The following N4BP2L1 variants were observed in gnomAD, a reference collection of about 807,000 sequenced individuals.
The protein encoded by N4BP2L1 is NEDD4-binding protein 2-like 1.
A neutral mutation model predicts 21.2 loss-of-function variants in N4BP2L1; 12 were observed. The ratio of observed to expected loss-of-function variants is 0.57; its 90% CI spans 0.36 to 0.92. The LOEUF is 0.92. N4BP2L1 is among the 40% of genes least tolerant of loss of function. The pLI, the probability that N4BP2L1 is intolerant of heterozygous loss-of-function variation, is 0.01. For synonymous variants in N4BP2L1, 104 were observed against 112.8 expected (o/e 0.92, Z 0.49); for missense variants, 259 against 310.6 (o/e 0.83, Z 1.25).
chr13:32,428,017 C>A lies in N4BP2L1; in HGVS notation c.66G>T (p.Arg22=). ...GCGGGGGCGGCCGGGGCGGCCGCTG[C>A]CGCTGCTGCTGCTGCTGGGGCTGGA... is the stretch of plus-strand genomic sequence containing the variant. ...LSLQPQQQQQ[R]QRPPRPPPRG... The change falls in exon 1 of 5, where the codon CGG becomes CGT. Residue 22 remains arginine, a synonymous_variant. Transcript: ENST00000380130. 6.4e-7 allele frequency: 1 copy of A among 1,560,554 alleles called. No individual in the cohort carries two copies. The highest frequency in any genetic ancestry group is 8.7e-7 in the Non-Finnish European group (1 of 1,155,540).
At chr13:32,404,510 C>T in intron 3 of N4BP2L1, 113 bp from the exon 4 acceptor site, 2 of 744,386 alleles carry the variant, frequency 2.7e-6, no homozygotes, top group Non-Finnish European at 4.4e-6. Flanking sequence ...TTTGTTTTAC[C>T]AGTAATCCAA....
chr13:32,415,269 G>A (rs754198783), intron 1 of N4BP2L1, among the ~76,000 whole-genome samples: 3 of 152,144 alleles, frequency 2.0e-5, no homozygotes, highest in Non-Finnish European at 4.4e-5. Context: ...AGGCAAGGGG[G>A]CCCTGAAAAC....
intron 1 of N4BP2L1, among the ~76,000 whole-genome samples, chr13:32,417,011 T>G (rs563584239): frequency 6.6e-6 from 1 of 152,232 alleles, no homozygotes; most frequent in East Asian, 1.9e-4. Flanking sequence ...GAGACGAGGT[T>G]TCCCCATCTC....
intron 1 of N4BP2L1, among the ~76,000 whole-genome samples, chr13:32,419,669 G>A (rs1045758888): frequency 6.6e-5 from 10 of 151,996 alleles, no homozygotes; most frequent in African/African-American, 2.4e-5. Flanking sequence ...CTTCCACCAC[G>A]ATTGTAAGTT....
intron 1 of N4BP2L1, among the ~76,000 whole-genome samples, chr13:32,417,005 C>T (rs973701004): frequency 9.2e-5 from 14 of 152,012 alleles, no homozygotes; most frequent in East Asian, 1.9e-4. Context: ...TTAGTAGAGA[C>T]GAGGTTTCCC....
chr13:32,419,125 T>C (rs189579603), intron 1 of N4BP2L1, among the ~76,000 whole-genome samples: 23 of 152,200 alleles, frequency 1.5e-4, no homozygotes, highest in African/African-American at 5.5e-4. Context: ...CATCTTGAAT[T>C]ATAGTTCCCA....
intron 1 of N4BP2L1, chr13:32,425,649 G>T (rs544959038): frequency 3.3e-5 from 5 of 152,382 alleles, no homozygotes; most frequent in African/African-American, 1.2e-4. Flanking sequence ...AGGCACAGAG[G>T]GGTTGGGTGA....
chr13:32,402,078 T>C lies in N4BP2L1; in HGVS notation c.*864A>G, dbSNP rs1299494783. 1.0e-6 allele frequency: 1 copy of C among 985,304 alleles called. No homozygotes were observed. Among genetic ancestry groups the C allele is most frequent in the African/African-American group, 1.7e-5 (1 of 57,244 alleles). The allele number at this position is 985,304 out of a possible 1,614,324, so 61.0% of individuals were successfully genotyped here. A position where few individuals can be genotyped will look rare whatever the true frequency, so the allele number is the denominator to read the frequency against. On this transcript the variant is annotated 3_prime_UTR_variant, in exon 5 of 5. Transcript: ENST00000380130. ...TCCTGGGGTGCCTAATTTCTTGCAC[T>C]CCCAAACATTTGAGCTGCCGACTAA...
At chr13:32,405,897 T>TCC (rs2073457375) in intron 3 of N4BP2L1, among the ~76,000 whole-genome samples, 5 of 122,250 alleles carry the variant, frequency 4.1e-5, no homozygotes, top group African/African-American at 9.9e-5. Context: ...GCCCCCTTTT[T>TCC]TTTTTTTTTT....
chr13:32,402,117 T>C lies in N4BP2L1; in HGVS notation c.*825A>G, dbSNP rs751444065. On this transcript the variant is annotated 3_prime_UTR_variant, in exon 5 of 5. Transcript: ENST00000380130. ...GCTGCCGACTAATTACACATGTTAA[T>C]AGGCATAATTTTAGAAGTCGTTTAT... 33 of 985,010 alleles carry C rather than the reference T, an allele frequency of 3.4e-5. No homozygotes were observed. Among genetic ancestry groups the C allele is most frequent in the African/African-American group, 5.2e-5 (3 of 57,250 alleles). The allele number at this position is 985,010 out of a possible 1,614,324, so 61.0% of individuals were successfully genotyped here.
intron 1 of N4BP2L1, chr13:32,412,035 T>C (rs1187995164): frequency 1.3e-5 from 2 of 152,354 alleles, no homozygotes; most frequent in East Asian, 3.9e-4. Context: ...TCCCTGCTTG[T>C]CTCATCAGTG....
Position 32,402,829 on chromosome 13 carries a change from G to C in N4BP2L1, c.*113C>G, listed in dbSNP as rs1301490557. The stretch of plus-strand genomic sequence containing the variant: ...ATAATGACTTTGCTCAGAAACTTTT[G>C]AGTTCAGCTATTTACACTGGAATTG... On this transcript the variant is annotated 3_prime_UTR_variant, in exon 5 of 5. Transcript: ENST00000380130. The C allele has an allele frequency of 2.1e-6, 3 of 1,446,944 alleles. No homozygotes were observed. Among genetic ancestry groups the C allele is most frequent in the Admixed American group, 5.7e-5 (2 of 35,234 alleles). The allele number at this position is 1,446,944 out of a possible 1,614,324, so 89.6% of individuals were successfully genotyped here. A position where few individuals can be genotyped will look rare whatever the true frequency, so the allele number is the denominator to read the frequency against.
intron 1 of N4BP2L1, among the ~76,000 whole-genome samples, chr13:32,427,484 C>T (rs1342718012): frequency 6.6e-6 from 1 of 152,226 alleles, no homozygotes; most frequent in African/African-American, 2.4e-5. Flanking sequence ...AAGAAGAGTC[C>T]CTCCCGACCT....
intron 3 of N4BP2L1, among the ~76,000 whole-genome samples, chr13:32,406,242 C>T (rs1266698531): frequency 1.3e-5 from 2 of 151,940 alleles, no homozygotes; most frequent in African/African-American, 2.4e-5. Context: ...TGGATCCTTC[C>T]TCCTTTCTAG....
At chr13:32,412,679 G>C (rs542145221) in intron 1 of N4BP2L1, among the ~76,000 whole-genome samples, 1 of 150,628 alleles carries the variant, frequency 6.6e-6, no homozygotes, top group Non-Finnish European at 1.5e-5. Context: ...CATACATCGC[G>C]ATACTTTATT....
At chr13:32,411,632 G>GA (rs1457691961) in intron 1 of N4BP2L1, 16 of 984,908 alleles carry the variant, frequency 1.6e-5, no homozygotes, top group African/African-American at 5.2e-5. Context: ...AAATAAAAGG[G>GA]AAAAAATAGA....
chr13:32,405,892 C>CCTTTTTTTTTTTTTTTTT (rs2073452557), intron 3 of N4BP2L1, among the ~76,000 whole-genome samples: 1 of 101,192 alleles, frequency 9.9e-6, no homozygotes. Flanking sequence ...TTCCTGCCCC[C>CCTTTTTTTTTTTTTTTTT]TTTTTTTTTT....
chr13:32,415,848 C>A (rs1414083047), intron 1 of N4BP2L1: 1 of 152,236 alleles, frequency 6.6e-6, no homozygotes, highest in East Asian at 1.9e-4. Context: ...CCCACTTTAA[C>A]TCTGGCACTC....
chr13:32,418,111 G>A (rs530509737), intron 1 of N4BP2L1, among the ~76,000 whole-genome samples: 2 of 152,242 alleles, frequency 1.3e-5, no homozygotes, highest in South Asian at 2.1e-4. Flanking sequence ...ATGTCTCCAG[G>A]GCATGGCAGA....
Sources: gnomAD v4.1 joint callset for allele counts (sites outside exome capture counted in the v4.1 genomes callset) on GRCh38, gnomAD v4.1.1 for gene constraint, MANE v1.5 for transcripts, NCBI Gene and HGNC (gene_info 2026-07-23, HGNC 2026-07-21) for gene names.